Variants in ERBB4 observed in about 807,000 individuals in gnomAD.
ERBB4 encodes erb-b2 receptor tyrosine kinase 4, also known as receptor tyrosine-protein kinase erbB-4.
In ERBB4, 42 loss-of-function variants were observed where a neutral mutation model predicts 158.0. The observed-to-expected ratio is 0.27, with a 90% CI of 0.21 to 0.34. The LOEUF (loss-of-function observed/expected upper bound fraction) is 0.34. Among genes scored for constraint, ERBB4 ranks in the 10% least tolerant of loss-of-function variants. ERBB4 has a pLI of 1.00. For missense variants in ERBB4, 1,333 were observed against 1,624.1 expected, an observed-to-expected ratio of 0.82 and a Z score of 3.08; for synonymous variants, 583 against 558.7, an observed-to-expected ratio of 1.04 and a Z score of -0.61.
At chr2:211,736,512 C>T (rs1226325591) in intron 5 of ERBB4, among the ~76,000 whole-genome samples, 4 of 152,126 alleles carry the variant, frequency 2.6e-5, no homozygotes, top group African/African-American at 9.7e-5. Flanking sequence ...GAACAAAGGT[C>T]AAATTAAGAA....
chr2:212,527,691 TTTA>T (rs1473377318), intron 1 of ERBB4, among the ~76,000 whole-genome samples: 1 of 58,272 alleles, frequency 1.7e-5, no homozygotes, highest in Non-Finnish European at 4.0e-5. Flanking sequence ...CCCCAAATCT[TTTA>T]TTTATTTATT....
chr2:211,965,838 A>G (rs1433239643), intron 2 of ERBB4, among the ~76,000 whole-genome samples: 1 of 152,218 alleles, frequency 6.6e-6, no homozygotes, highest in East Asian at 1.9e-4. Flanking sequence ...AAAGCCATAA[A>G]ATACACTTGT....
intron 20 of ERBB4, among the ~76,000 whole-genome samples, chr2:211,530,336 A>C (rs562890648): frequency 4.0e-4 from 61 of 152,282 alleles, no homozygotes; most frequent in African/African-American, 1.4e-3. Flanking sequence ...CTGATGGAAG[A>C]AATTGAAGAG....
At chr2:212,095,285 A>G (rs79138795) in intron 2 of ERBB4, among the ~76,000 whole-genome samples, 2 of 152,150 alleles carry the variant, frequency 1.3e-5, no homozygotes, top group African/African-American at 4.8e-5. Context: ...CCCACTTATT[A>G]AATTGATTTT....
At chr2:212,230,186 G>A (rs2083615038) in intron 1 of ERBB4, among the ~76,000 whole-genome samples, 1 of 152,134 alleles carries the variant, frequency 6.6e-6, no homozygotes, top group South Asian at 2.1e-4. Context: ...TCGGGAGGCT[G>A]AGGCAGGAGA....
At chr2:211,638,609 C>T (rs909295636) in intron 16 of ERBB4, among the ~76,000 whole-genome samples, 2 of 152,104 alleles carry the variant, frequency 1.3e-5, no homozygotes, top group Non-Finnish European at 2.9e-5. Context: ...TGAATCAGAA[C>T]GTACTGTCCC....
intron 1 of ERBB4, among the ~76,000 whole-genome samples, chr2:212,172,070 C>G (rs2081534666): frequency 6.6e-6 from 1 of 151,772 alleles, no homozygotes; most frequent in South Asian, 2.1e-4. Flanking sequence ...AAACAAATTA[C>G]AAGAAAAACA....
intron 3 of ERBB4, among the ~76,000 whole-genome samples, chr2:211,823,667 A>T (rs534978323): frequency 2.0e-5 from 3 of 152,128 alleles, no homozygotes; most frequent in Non-Finnish European, 2.9e-5. Context: ...ACAAATTCAT[A>T]TTTCTACTGC....
chr2:211,543,669 T>G (rs1275320733), intron 20 of ERBB4, among the ~76,000 whole-genome samples: 3 of 151,892 alleles, frequency 2.0e-5, no homozygotes, highest in Admixed American at 6.6e-5. Flanking sequence ...AAATTCTGTA[T>G]TTTGTATCAC....
chr2:212,331,202 T>C, intron 1 of ERBB4, among the ~76,000 whole-genome samples: 1 of 150,486 alleles, frequency 6.6e-6, no homozygotes, highest in Non-Finnish European at 1.5e-5. Context: ...GCCGCATCTC[T>C]TGAACCAAAC....
chr2:212,487,564 T>C (rs1205714173), intron 1 of ERBB4, among the ~76,000 whole-genome samples: 1 of 151,906 alleles, frequency 6.6e-6, no homozygotes, highest in African/African-American at 2.4e-5. Context: ...TGTATTTTTT[T>C]TTTTTCAAAA....
At chr2:211,400,823 T>C (rs1222146207) in intron 25 of ERBB4, among the ~76,000 whole-genome samples, 1 of 152,122 alleles carries the variant, frequency 6.6e-6, no homozygotes, top group Non-Finnish European at 1.5e-5. Flanking sequence ...TTTGAGATGA[T>C]GGAAACCCTA....
At chr2:212,000,469 TGGAGG>T (rs2076078148) in intron 2 of ERBB4, among the ~76,000 whole-genome samples, 2 of 151,914 alleles carry the variant, frequency 1.3e-5, no homozygotes, top group Admixed American at 1.3e-4. Context: ...GAAAGCCAGA[TGGAGG>T]TTTTAAGGAA....
At chr2:211,996,826 T>C (rs1037298513) in intron 2 of ERBB4, among the ~76,000 whole-genome samples, 4 of 152,200 alleles carry the variant, frequency 2.6e-5, no homozygotes, top group African/African-American at 9.6e-5. Context: ...ACCTTTATGG[T>C]CATACACGTT....
intron 3 of ERBB4, among the ~76,000 whole-genome samples, chr2:211,920,442 T>C (rs958664764): frequency 6.6e-6 from 1 of 152,016 alleles, no homozygotes; most frequent in Non-Finnish European, 1.5e-5. Flanking sequence ...AGTGAAATGC[T>C]GAAAGGTGGT....
At chr2:212,123,886 T>G (rs564215202) in intron 2 of ERBB4, among the ~76,000 whole-genome samples, 1 of 152,316 alleles carries the variant, frequency 6.6e-6, no homozygotes, top group Non-Finnish European at 1.5e-5. Flanking sequence ...ACGAAAGTGC[T>G]CCTAAGAAGT....
intron 1 of ERBB4, among the ~76,000 whole-genome samples, chr2:212,535,026 C>G (rs994862945): frequency 6.6e-6 from 1 of 151,888 alleles, no homozygotes; most frequent in Non-Finnish European, 1.5e-5. Context: ...CCTTGATTTT[C>G]AACAAAATTT....
intron 3 of ERBB4, among the ~76,000 whole-genome samples, chr2:211,816,602 A>G (rs1041704761): frequency 3.9e-5 from 6 of 151,988 alleles, no homozygotes; most frequent in Non-Finnish European, 7.4e-5. Context: ...AAGCATTGAT[A>G]AACATTTCTA....
At chr2:212,153,538 A>G (rs1427580363) in intron 1 of ERBB4, among the ~76,000 whole-genome samples, 2 of 152,112 alleles carry the variant, frequency 1.3e-5, no homozygotes, top group African/African-American at 2.4e-5. Context: ...AATAAATCTC[A>G]TGGAAAGGAA....
Sources: allele counts gnomAD v4.1 joint callset (sites outside exome capture counted in the v4.1 genomes callset), GRCh38; gene constraint gnomAD v4.1.1; transcripts MANE v1.5; gene names NCBI Gene and HGNC (gene_info 2026-07-23, HGNC 2026-07-21).